Variants in FBLIM1 observed in about 807,000 individuals in gnomAD.
FBLIM1 encodes the protein filamin binding LIM protein 1.
A neutral mutation model predicts 37.4 loss-of-function variants in FBLIM1; 29 were observed. The observed-to-expected ratio is 0.77, with a 90% CI of 0.58 to 1.06. The LOEUF (loss-of-function observed/expected upper bound fraction) is 1.06. FBLIM1 is among the 50% of genes least tolerant of loss of function. The pLI is 0.00. For synonymous variants in FBLIM1, 193 were observed against 199.0 expected, an observed-to-expected ratio of 0.97 and a Z score of 0.25; for missense variants, 449 against 505.6, an observed-to-expected ratio of 0.89 and a Z score of 1.07.
At chr1:15,775,371 C>CA (rs1324574986) in intron 7 of FBLIM1, 4 of 151,608 alleles carry the variant, frequency 2.6e-5, no homozygotes, top group Admixed American at 6.6e-5. Flanking sequence ...CCCATCTCTA[C>CA]AAAAAATACA....
At position 15,770,466 on chromosome 1, in the gene FBLIM1, T is replaced by C; in HGVS notation, c.599T>C (p.Met200Thr). 3.7e-6 allele frequency: 6 copies of C among 1,612,916 alleles called. No homozygotes were observed. The highest frequency in any genetic ancestry group is 1.1e-5 in the South Asian group (1 of 90,974). ...CCCCGAGAGCTGGCTGTGGAGGCCA[T>C]GAAGAGGCAGTACCATGCCCAGTGC... ...VSPRELAVEA[M>T]KRQYHAQCFT... The change falls in exon 6 of 9, where the codon ATG (methionine) becomes ACG (threonine). Residue 200 changes from methionine (M) to threonine (T), a missense_variant. Transcript: ENST00000375766.
chr1:15,784,383 T>C (rs1569887654), intron 8 of FBLIM1, among the ~76,000 whole-genome samples, 165 bp from the exon 9 acceptor site: 1 of 152,160 alleles, frequency 6.6e-6, no homozygotes, highest in East Asian at 1.9e-4. Flanking sequence ...TATGGAGACC[T>C]GGCCCGGGTG....
chr1:15,783,637 A>G (rs183792687), intron 8 of FBLIM1, among the ~76,000 whole-genome samples: 2,914 of 133,704 alleles, frequency 0.022, 78 homozygotes, highest in African/African-American at 0.07. Context: ...GTGTAGTGGC[A>G]CGATCTCGGC....
chr1:15,777,392 A>G, intron 8 of FBLIM1, 105 bp downstream of exon 8: 2 of 680,828 alleles, frequency 2.9e-6, no homozygotes, highest in South Asian at 4.1e-5. Flanking sequence ...CTGTACTCTC[A>G]AATTGCTCAT....
chr1:15,767,540 T>TG lies in FBLIM1; in HGVS notation c.415_416insG (p.Ser139CysfsTer37). On this transcript the variant is annotated frameshift_variant, in exon 4 of 9. Coordinates refer to ENST00000375766, the MANE Select transcript of FBLIM1 (RefSeq NM_017556.4). LOFTEE classifies it high-confidence loss of function. ...TGCAGACTTAGAGCAGCTGCACCTGTCCCCGCCCCCGCCCCCACCACAGGT... is the reference window on the plus strand; with the variant it reads ...TGCAGACTTAGAGCAGCTGCACCTGTGCCCCGCCCCCGCCCCCACCACAGGT... 3 of 1,409,308 alleles carry TG rather than the reference T, an allele frequency of 2.1e-6. No homozygotes were observed. The highest frequency in any genetic ancestry group is 2.8e-6 in the Non-Finnish European group (3 of 1,064,120). 87.3% of individuals were successfully genotyped at this position (1,409,308 alleles called of 1,614,324 possible).
Position 15,784,802 on chromosome 1 carries a change from A to G in FBLIM1, c.*141A>G. 3.0e-6 allele frequency: 2 copies of G among 668,334 alleles called. No homozygotes were observed. The highest frequency in any genetic ancestry group is 5.1e-6 in the Non-Finnish European group (2 of 389,628). 41.4% of individuals were successfully genotyped at this position (668,334 alleles called of 1,614,324 possible). ...GCCTGCAAGCCGGCCCAGCCTGTCC[A>G]GGATACAGTGGGGCTGAGCACCCCC... On this transcript the variant is annotated 3_prime_UTR_variant, in exon 9 of 9. Transcript: ENST00000375766.
Position 15,765,079 on chromosome 1 carries a change from G to A in FBLIM1, c.96G>A (p.Gln32=). 1 of 1,614,090 alleles carries A rather than the reference G, an allele frequency of 6.2e-7. No homozygotes were observed. The highest frequency in any genetic ancestry group is 8.5e-7 in the Non-Finnish European group (1 of 1,179,988). The part of the protein sequence containing the change: ...RDVAVAEEVR[Q]AVCEARRGRP... ...TGGCCGTGGCGGAGGAAGTGAGGCA[G>A]GCAGTTTGTGAGGCCCGGCGTGGCC... is the stretch of plus-strand genomic sequence containing the variant. Residue 32 remains glutamine (Q), a synonymous_variant, in exon 3 of 9, where the codon CAG becomes CAA. Coordinates refer to ENST00000375766, the MANE Select transcript of FBLIM1 (RefSeq NM_017556.4). The surrounding 1 kb of genome is among the most constrained non-coding windows in gnomAD (Gnocchi z 5.9).
Position 15,765,243 on chromosome 1 carries a change from G to A in FBLIM1, c.250+10G>A, listed in dbSNP as rs1390157635. On this transcript the variant is annotated intron_variant, in intron 3 of 8. Coordinates refer to ENST00000375766, the MANE Select transcript of FBLIM1 (RefSeq NM_017556.4). The surrounding 1 kb of genome is among the most constrained non-coding windows in gnomAD (Gnocchi z 5.9). ...CAGCTCTTCAATGGAGGTAAGAGCT[G>A]AGGGGACTTTGGGGAAGACCACGTC... 6 of 1,599,128 alleles carry A rather than the reference G, an allele frequency of 3.8e-6. No homozygotes were observed. In the East Asian group the frequency reaches 9.0e-5, roughly 24 times the overall value.
intron 7 of FBLIM1, among the ~76,000 whole-genome samples, chr1:15,775,957 G>T (rs1260161120): frequency 3.3e-5 from 5 of 152,270 alleles, no homozygotes; most frequent in Admixed American, 3.3e-4. Context: ...TTTATGGCCA[G>T]CTCCCAGCAA....
At chr1:15,774,069 G>A (rs2069364358) in intron 6 of FBLIM1, among the ~76,000 whole-genome samples, 2 of 152,120 alleles carry the variant, frequency 1.3e-5, no homozygotes, top group African/African-American at 4.8e-5. Flanking sequence ...TCAAGTAGAG[G>A]ATGCAGTGAG....
chr1:15,781,238 G>A (rs2069627111), intron 8 of FBLIM1, among the ~76,000 whole-genome samples: 1 of 152,014 alleles, frequency 6.6e-6, no homozygotes. Context: ...TGTGTCTGTA[G>A]TCCCAGCTAC....
upstream of FBLIM1, chr1:15,757,901 G>C (rs1228377421): frequency 1.3e-5 from 2 of 152,246 alleles, no homozygotes; most frequent in Non-Finnish European, 2.9e-5. This position sits in a 1 kb window ranked among gnomAD's most constrained non-coding sequence, Gnocchi z 4.1. Context: ...CCAGCTGGGA[G>C]GGGGAGGGTC....
chr1:15,776,687 A>AT, intron 7 of FBLIM1, among the ~76,000 whole-genome samples: 1 of 151,758 alleles, frequency 6.6e-6, no homozygotes, highest in East Asian at 1.9e-4. Context: ...ACATGGTGAA[A>AT]CCCGTCTCTA....
chr1:15,780,474 C>A (rs1168854809), intron 8 of FBLIM1, among the ~76,000 whole-genome samples: 2 of 152,132 alleles, frequency 1.3e-5, no homozygotes, highest in African/African-American at 4.8e-5. Flanking sequence ...TGCTGGGTGG[C>A]GTGAGCCACC....
Position 15,786,033 on chromosome 1 carries a change from A to C in FBLIM1, c.*1372A>C, listed in dbSNP as rs566644220. 1 of 152,538 alleles carries C rather than the reference A, an allele frequency of 6.6e-6. No individual in the cohort carries two copies. Among genetic ancestry groups the C allele is most frequent in the South Asian group, 2.1e-4 (1 of 4,826 alleles). 9.4% of individuals were successfully genotyped at this position (152,538 alleles called of 1,614,324 possible). A position where few individuals can be genotyped will look rare whatever the true frequency, so the allele number is the denominator to read the frequency against. ...CCCTCTCCCCCAAACACAAACAAGC[A>C]CTTCTCCAGTATGGTGCCAGGACAG... is the stretch of plus-strand genomic sequence containing the variant. On this transcript the variant is annotated 3_prime_UTR_variant, in exon 9 of 9. Transcript: ENST00000375766.
At chr1:15,773,129 G>A (rs2069301142) in intron 6 of FBLIM1, among the ~76,000 whole-genome samples, 1 of 152,170 alleles carries the variant, frequency 6.6e-6, no homozygotes, top group Admixed American at 6.5e-5. Context: ...TAACTGGCCA[G>A]GTGCCGTGGC....
At chr1:15,758,651 G>C (rs2068509698), upstream of FBLIM1, 1 of 151,218 alleles carries the variant, frequency 6.6e-6, no homozygotes, top group Non-Finnish European at 1.5e-5. This position sits in a 1 kb window ranked among gnomAD's most constrained non-coding sequence, Gnocchi z 6.2. Context: ...GCAGGTAGGG[G>C]CCGCTTCCGC....
In FBLIM1 at chr1:15,786,080, T is replaced by C. The variant is rs951573797; in HGVS notation, c.*1419T>C. The C allele has an allele frequency of 1.3e-5, 2 of 152,308 alleles. No homozygotes were observed. Among genetic ancestry groups the C allele is most frequent in the African/African-American group, 2.4e-5 (1 of 41,466 alleles). 9.4% of individuals were successfully genotyped at this position (152,308 alleles called of 1,614,324 possible). On this transcript the variant is annotated 3_prime_UTR_variant, in exon 9 of 9. Coordinates refer to ENST00000375766, the MANE Select transcript of FBLIM1 (RefSeq NM_017556.4). ...ACAGGTGTCCCTTCAGTCCTCTGGT[T>C]ATGACCTCAAGTCCTACTTGGGCCC...
intron 8 of FBLIM1, among the ~76,000 whole-genome samples, chr1:15,779,860 C>G (rs1422684174): frequency 6.6e-6 from 1 of 151,972 alleles, no homozygotes; most frequent in Non-Finnish European, 1.5e-5. Flanking sequence ...CTATTGCTGT[C>G]TTTAAATTCT....
Sources: gnomAD v4.1 joint callset for allele counts (sites outside exome capture counted in the v4.1 genomes callset) on GRCh38, gnomAD v4.1.1 for gene constraint, Gnocchi (gnomAD v3.1) non-coding constraint, MANE v1.5 for transcripts, NCBI Gene and HGNC (gene_info 2026-07-23, HGNC 2026-07-21) for gene names.